The following ARMC9 variants were observed in gnomAD, a reference collection of about 807,000 sequenced individuals.
ARMC9 encodes lisH domain-containing protein ARMC9.
Under a neutral mutation model 107.0 loss-of-function variants are expected in ARMC9, and 94 were observed. That is an observed-to-expected ratio of 0.88 (90% confidence interval 0.74 to 1.04). ARMC9 has a LOEUF of 1.04. Among genes scored for constraint, ARMC9 ranks in the 50% least tolerant of loss-of-function variants. The pLI is 0.00. For missense variants in ARMC9, 942 were observed against 1,030.1 expected, an observed-to-expected ratio of 0.91 and a Z score of 1.17; for synonymous variants, 380 against 396.9, an observed-to-expected ratio of 0.96 and a Z score of 0.51.
chr2:231,199,262 A>T (rs183007507), intron 1 of ARMC9, among the ~76,000 whole-genome samples: 53 of 152,356 alleles, frequency 3.5e-4, no homozygotes, highest in African/African-American at 1.2e-3. Context: ...AGTTTTTCTT[A>T]GTTTCCGCAT....
chr2:231,348,831 G>C (rs921790429), intron 21 of ARMC9, among the ~76,000 whole-genome samples: 2 of 152,154 alleles, frequency 1.3e-5, no homozygotes, highest in African/African-American at 4.8e-5. Context: ...GCTTATGAAA[G>C]GGTGCTCAGC....
chr2:231,301,634 T>C (rs2041731244), intron 19 of ARMC9, among the ~76,000 whole-genome samples: 2 of 152,236 alleles, frequency 1.3e-5, no homozygotes, highest in Admixed American at 6.5e-5. Context: ...GTTTTAAAGA[T>C]ATATTTTTTC....
At position 231,255,901 on chromosome 2, in the gene ARMC9, A is replaced by T. The variant is rs1019332146; in HGVS notation, c.880-685A>T. ...AAATACTAAACAAAATTAGCTGAGC[A>T]TGGTGGCAGGTGCCTGTAATCCCAG... On this transcript the variant is annotated intron_variant, in intron 9 of 24. Coordinates refer to ENST00000611582, the MANE Select transcript of ARMC9 (RefSeq NM_001352754.2). The surrounding 1 kb of genome is among the most constrained non-coding windows in gnomAD (Gnocchi z 4.7). Among the ~76,000 whole-genome samples the T allele has an allele frequency of 1.3e-5, 2 of 152,140 alleles. No individual in the cohort carries two copies. The highest frequency in any genetic ancestry group is 2.4e-5 in the African/African-American group (1 of 41,432).
chr2:231,324,180 T>G (rs376128743), intron 19 of ARMC9, among the ~76,000 whole-genome samples: 50 of 128,332 alleles, frequency 3.9e-4, no homozygotes, highest in East Asian at 1.4e-3. Context: ...CAGGCTGGAG[T>G]GCAGTGGTGC....
Position 231,360,686 on chromosome 2 carries a change from C to G in ARMC9, c.2132-68C>G. Reference sequence around the variant, plus strand: ...GCTTTTCTTGGCTTTCCAACCCAGCCCACGAGAGGGCATCCTTAGAGGGGC... The same window carrying G: ...GCTTTTCTTGGCTTTCCAACCCAGCGCACGAGAGGGCATCCTTAGAGGGGC... On this transcript the variant is annotated intron_variant, in intron 22 of 24. Transcript: ENST00000611582. The surrounding 1 kb of genome is among the most constrained non-coding windows in gnomAD (Gnocchi z 4.7). The G allele has an allele frequency of 6.5e-7, 1 of 1,535,688 alleles. No homozygotes were observed. Among genetic ancestry groups the G allele is most frequent in the South Asian group, 1.2e-5 (1 of 84,044 alleles).
At chr2:231,257,511 C>T (rs1348901400) in intron 10 of ARMC9, among the ~76,000 whole-genome samples, 2 of 152,148 alleles carry the variant, frequency 1.3e-5, no homozygotes, top group African/African-American at 2.4e-5. Flanking sequence ...AGCCTTCCTC[C>T]TCCCTCAGCC....
chr2:231,219,460 A>G (rs568632709), intron 5 of ARMC9, among the ~76,000 whole-genome samples: 1 of 152,216 alleles, frequency 6.6e-6, no homozygotes, highest in Non-Finnish European at 1.5e-5. Context: ...TGAAGATACA[A>G]ATCCTAGCTA....
chr2:231,342,296 G>A (rs547620504), intron 20 of ARMC9, among the ~76,000 whole-genome samples: 158 of 152,306 alleles, frequency 1.0e-3, no homozygotes, highest in Non-Finnish European at 1.8e-3. Flanking sequence ...CCCATCCACT[G>A]GAGAGGAAAA....
rs1263675865 is a variant in ARMC9, at chr2:231,358,527, C to G, written c.2132-2227C>G. 6.6e-6 allele frequency among the ~76,000 whole-genome samples: 1 copy of G among 152,192 alleles called. No homozygotes were observed. The highest frequency in any genetic ancestry group is 1.5e-5 in the Non-Finnish European group (1 of 68,034). ...CTTCTCTCACTCACCTTGCCCCAGG[C>G]CCATCCTGGCCCCAGGCAGCGCTCC... is the stretch of plus-strand genomic sequence containing the variant. On this transcript the variant is annotated intron_variant, in intron 22 of 24. Coordinates refer to ENST00000611582, the MANE Select transcript of ARMC9 (RefSeq NM_001352754.2). This position sits in a 1 kb window ranked among gnomAD's most constrained non-coding sequence, Gnocchi z 4.5.
chr2:231,225,354 G>T (rs2034542383), intron 6 of ARMC9, among the ~76,000 whole-genome samples: 1 of 152,088 alleles, frequency 6.6e-6, no homozygotes, highest in Non-Finnish European at 1.5e-5. Context: ...ATATACCCTA[G>T]CTATATACCC....
At chr2:231,262,656 C>T (rs1403400556) in intron 12 of ARMC9, among the ~76,000 whole-genome samples, 2 of 152,128 alleles carry the variant, frequency 1.3e-5, no homozygotes, top group East Asian at 1.9e-4. Context: ...CTACTCTTTA[C>T]CTCACCTCAC....
chr2:231,266,447 C>T (rs1203209074), intron 12 of ARMC9, among the ~76,000 whole-genome samples: 3 of 152,222 alleles, frequency 2.0e-5, no homozygotes, highest in African/African-American at 7.2e-5. Flanking sequence ...ATAAATATCT[C>T]TCTTCATATC....
chr2:231,237,095 A>G (rs2035782081), intron 8 of ARMC9, among the ~76,000 whole-genome samples: 1 of 152,140 alleles, frequency 6.6e-6, no homozygotes, highest in African/African-American at 2.4e-5. Flanking sequence ...CTTCACCACA[A>G]TGCTGTAGAT....
intron 20 of ARMC9, among the ~76,000 whole-genome samples, chr2:231,332,644 C>T (rs2043819348): frequency 6.6e-6 from 1 of 152,130 alleles, no homozygotes; most frequent in Non-Finnish European, 1.5e-5. Flanking sequence ...CAGGAGGAAG[C>T]AGCCACTCCT....
chr2:231,357,676 G>A (rs1237319012), intron 22 of ARMC9, among the ~76,000 whole-genome samples: 2 of 152,142 alleles, frequency 1.3e-5, no homozygotes, highest in African/African-American at 2.4e-5. Flanking sequence ...ATTCCTAAGC[G>A]ATCCTCCCGC....
intron 20 of ARMC9, among the ~76,000 whole-genome samples, chr2:231,343,191 G>A (rs908215901): frequency 3.6e-4 from 54 of 152,002 alleles, no homozygotes; most frequent in Admixed American, 1.4e-3. Flanking sequence ...GGGATTACAG[G>A]TGTGAGCCAC....
chr2:231,329,652 T>G (rs939185536), intron 19 of ARMC9, among the ~76,000 whole-genome samples: 2 of 152,224 alleles, frequency 1.3e-5, no homozygotes, highest in Admixed American at 1.3e-4. Context: ...ATACAAATGT[T>G]GTATATGTTT....
intron 19 of ARMC9, among the ~76,000 whole-genome samples, chr2:231,321,856 G>C (rs1251074064): frequency 1.3e-5 from 2 of 152,154 alleles, no homozygotes; most frequent in African/African-American, 4.8e-5. Context: ...CTGTCCCACT[G>C]AGCCTCCAGG....
chr2:231,303,798 G>A (rs961242544), intron 19 of ARMC9, among the ~76,000 whole-genome samples: 3 of 152,148 alleles, frequency 2.0e-5, no homozygotes, highest in Non-Finnish European at 4.4e-5. Context: ...TTAGCCGGGT[G>A]TGATGGTGCA....
Sources: gnomAD v4.1 joint callset for allele counts (sites outside exome capture counted in the v4.1 genomes callset) on GRCh38, gnomAD v4.1.1 for gene constraint, Gnocchi (gnomAD v3.1) non-coding constraint, MANE v1.5 for transcripts, NCBI Gene and HGNC (gene_info 2026-07-23, HGNC 2026-07-21) for gene names.